ANKIB1: variants seen among roughly 807,000 people sequenced by gnomAD.
The protein encoded by ANKIB1 is ankyrin repeat and IBR domain containing 1, also known as ankyrin repeat and IBR domain-containing protein 1.
In ANKIB1, 43 loss-of-function variants were observed where a neutral mutation model predicts 122.1. The observed-to-expected ratio is 0.35, with a 90% CI of 0.28 to 0.45. The LOEUF is 0.45. ANKIB1 is among the 20% of genes least tolerant of loss of function. The pLI, the probability that ANKIB1 is intolerant of heterozygous loss-of-function variation, is 1.00. For synonymous variants in ANKIB1, 390 were observed against 442.0 expected (o/e 0.88, Z 1.48); for missense variants, 992 against 1,329.5 (o/e 0.75, Z 3.95).
At chr7:92,283,336 C>G (rs1439996743) in intron 1 of ANKIB1, among the ~76,000 whole-genome samples, 1 of 151,958 alleles carries the variant, frequency 6.6e-6, no homozygotes, top group Non-Finnish European at 1.5e-5. Context: ...TTTTCGCTAC[C>G]CTCTAATACT....
At chr7:92,344,306 G>A (rs1213114489) in intron 6 of ANKIB1, among the ~76,000 whole-genome samples, 1 of 148,744 alleles carries the variant, frequency 6.7e-6, no homozygotes, top group Non-Finnish European at 1.5e-5. Flanking sequence ...CCAGATTCAG[G>A]TGATTCTCCT....
chr7:92,273,163 ATTAG>A (rs945800122), intron 1 of ANKIB1, among the ~76,000 whole-genome samples: 2 of 152,220 alleles, frequency 1.3e-5, no homozygotes, highest in Admixed American at 6.5e-5. Flanking sequence ...CAATTTATGT[ATTAG>A]TTAGAATGCC....
intron 1 of ANKIB1, among the ~76,000 whole-genome samples, chr7:92,269,493 C>T (rs1801739126): frequency 1.3e-5 from 2 of 152,218 alleles, no homozygotes; most frequent in Admixed American, 1.3e-4. Flanking sequence ...TACTCAGTAA[C>T]AGCATCTGAA....
chr7:92,347,903 A>T (rs771219901), intron 7 of ANKIB1: 1 of 386,554 alleles, frequency 2.6e-6, no homozygotes, highest in Non-Finnish European at 5.0e-6. Context: ...GATCTTGCAT[A>T]TAGTAATCGT....
chr7:92,307,251 A>T (rs1802579150), intron 2 of ANKIB1, 108 bp from the exon 3 acceptor site: 2 of 1,140,528 alleles, frequency 1.8e-6, no homozygotes, highest in Middle Eastern at 2.6e-4. Context: ...AAATTGGATT[A>T]TCAGCTTAGA....
At chr7:92,247,047 C>T (rs1030911315) in intron 1 of ANKIB1, among the ~76,000 whole-genome samples, 1 of 152,212 alleles carries the variant, frequency 6.6e-6, no homozygotes, top group African/African-American at 2.4e-5. Context: ...TATGTATGAG[C>T]TGTTTTTCTG....
Position 92,307,494 on chromosome 7 carries a change from AGAT to A in ANKIB1, c.328_330del (p.Asp110del). On this transcript the variant is annotated inframe_deletion, in exon 3 of 20. Transcript: ENST00000265742. ...ATCCTCGCTTGGCACGCCCCACAGA[AGAT>A]GATTTCAGAAGAGCAGATTGTCTGC... The A allele has an allele frequency of 6.2e-7, 1 of 1,613,936 alleles. No homozygotes were observed. Among genetic ancestry groups the A allele is most frequent in the Non-Finnish European group, 8.5e-7 (1 of 1,179,892 alleles).
intron 1 of ANKIB1, among the ~76,000 whole-genome samples, chr7:92,264,008 G>A (rs1371694864): frequency 6.6e-6 from 1 of 152,192 alleles, no homozygotes; most frequent in Non-Finnish European, 1.5e-5. Context: ...CCTTAAGACA[G>A]TGAACGTGTA....
At chr7:92,287,023 T>C (rs1209400472) in intron 1 of ANKIB1, among the ~76,000 whole-genome samples, 1 of 152,218 alleles carries the variant, frequency 6.6e-6, no homozygotes. Context: ...CTACAGTCTC[T>C]TCCCAAACAC....
At chr7:92,375,734 T>G (rs543904273) in intron 11 of ANKIB1, among the ~76,000 whole-genome samples, 16 of 152,380 alleles carry the variant, frequency 1.1e-4, no homozygotes, top group African/African-American at 3.4e-4. Context: ...ACAAATGTTC[T>G]TAATTGCATC....
At chr7:92,332,939 T>C (rs916907322) in intron 5 of ANKIB1, among the ~76,000 whole-genome samples, 2 of 152,216 alleles carry the variant, frequency 1.3e-5, no homozygotes, top group South Asian at 2.1e-4. Context: ...TTCTTGGAAC[T>C]GAACCTGGTT....
chr7:92,253,053 C>G (rs886240240), intron 1 of ANKIB1, among the ~76,000 whole-genome samples: 1 of 152,114 alleles, frequency 6.6e-6, no homozygotes, highest in African/African-American at 2.4e-5. Context: ...TGTATACACA[C>G]ACATAGGCAA....
Position 92,398,398 on chromosome 7 carries a change from C to T in ANKIB1, c.2719C>T (p.Arg907Trp), listed in dbSNP as rs760743621. The T allele has an allele frequency of 5.6e-6, 9 of 1,613,338 alleles. No individual in the cohort carries two copies. Among genetic ancestry groups the T allele is most frequent in the African/African-American group, 1.3e-5 (1 of 75,038 alleles). ...TGTCCCCAGAAATACAGATAGCCCT[C>T]GGGCTGCATTGAGCAGCTCTGAGCT... ...DSVPRNTDSP[R>W]AALSSSELLE... The change falls in exon 20 of 20, where the codon CGG becomes TGG. Residue 907 changes from arginine to tryptophan, a missense_variant. Arg to Trp is a moderately radical substitution (Grantham distance 101, BLOSUM62 -3). This residue lies in a region of ANKIB1 where 384 missense variants were observed against 412.0 expected (regional missense o/e 0.93). Coordinates refer to ENST00000265742, the MANE Select transcript of ANKIB1 (RefSeq NM_019004.2).
chr7:92,310,098 T>C (rs539397340), intron 3 of ANKIB1, among the ~76,000 whole-genome samples: 233 of 151,860 alleles, frequency 1.5e-3, no homozygotes, highest in African/African-American at 5.2e-3. Context: ...TTTACCAGCA[T>C]TATTTTTTGC....
At chr7:92,398,101 G>C (rs543601381) in intron 19 of ANKIB1, 111 bp from the exon 20 acceptor site, 2 of 1,215,346 alleles carry the variant, frequency 1.6e-6, no homozygotes, top group Non-Finnish European at 2.2e-6. Context: ...TAATTTTTCT[G>C]TATAAATAAA....
At chr7:92,258,934 T>C (rs1218334399) in intron 1 of ANKIB1, among the ~76,000 whole-genome samples, 2 of 151,960 alleles carry the variant, frequency 1.3e-5, no homozygotes, top group Non-Finnish European at 2.9e-5. Context: ...TGTTTGTTTT[T>C]TGGAGTTTTT....
chr7:92,338,961 TA>T (rs1803368930), intron 5 of ANKIB1, among the ~76,000 whole-genome samples: 1 of 106,318 alleles, frequency 9.4e-6, no homozygotes, highest in Non-Finnish European at 1.8e-5. Context: ...TATATATATA[TA>T]TATATATATT....
At chr7:92,308,242 T>C (rs934435933) in intron 3 of ANKIB1, among the ~76,000 whole-genome samples, 2 of 152,114 alleles carry the variant, frequency 1.3e-5, no homozygotes, top group African/African-American at 4.8e-5. Context: ...ACAATCACTT[T>C]TGTAGTAAAG....
chr7:92,274,206 A>G (rs1486522019), intron 1 of ANKIB1, among the ~76,000 whole-genome samples: 2 of 152,212 alleles, frequency 1.3e-5, no homozygotes, highest in African/African-American at 2.4e-5. Context: ...TAAAGTTTGT[A>G]TTGATAATAT....
Sources: gnomAD v4.1 joint callset for allele counts (sites outside exome capture counted in the v4.1 genomes callset) on GRCh38, gnomAD v4.1.1 for gene constraint, gnomAD v4.1.1 regional missense constraint, MANE v1.5 for transcripts, NCBI Gene and HGNC (gene_info 2026-07-23, HGNC 2026-07-21) for gene names.